Variants in THSD7B observed in about 807,000 individuals in gnomAD.
The protein encoded by THSD7B is thrombospondin type-1 domain-containing protein 7B.
THSD7B carries 138 observed loss-of-function variants against 213.6 expected under a neutral mutation model. That is an observed-to-expected ratio of 0.65 (90% CI 0.56 to 0.74). THSD7B has a LOEUF of 0.74. Among genes scored for constraint, THSD7B ranks in the 30% least tolerant of loss-of-function variants. The probability of loss-of-function intolerance (pLI) is 0.00; values close to 1 mark genes in which losing one functional copy is unlikely to be tolerated. For missense variants in THSD7B, 1,931 were observed against 1,991.5 expected, an observed-to-expected ratio of 0.97 and a Z score of 0.58; for synonymous variants, 742 against 687.0, an observed-to-expected ratio of 1.08 and a Z score of -1.25.
intron 15 of THSD7B, among the ~76,000 whole-genome samples, chr2:137,509,340 TTC>T (rs977389401): frequency 2.0e-5 from 3 of 151,472 alleles, no homozygotes; most frequent in Non-Finnish European, 4.4e-5. Context: ...TTCTTTCTTT[TTC>T]TCTTTCTTTC....
chr2:137,452,585 G>A (rs921005839), intron 15 of THSD7B, among the ~76,000 whole-genome samples: 8 of 152,018 alleles, frequency 5.3e-5, no homozygotes, highest in East Asian at 1.9e-4. Context: ...CCTCAAAACC[G>A]TCAATGAAAG....
chr2:136,891,463 T>C (rs1683858123), intron 2 of THSD7B, among the ~76,000 whole-genome samples: 1 of 152,078 alleles, frequency 6.6e-6, no homozygotes, highest in South Asian at 2.1e-4. Flanking sequence ...TACCCAGAGT[T>C]TTTTCTCTGG....
chr2:137,153,196 A>G (rs1163737884), intron 5 of THSD7B, among the ~76,000 whole-genome samples: 2 of 152,116 alleles, frequency 1.3e-5, no homozygotes, highest in African/African-American at 2.4e-5. Context: ...CTAAAATTAT[A>G]TATGTGCTTC....
chr2:137,040,203 A>G (rs556206549), intron 2 of THSD7B, among the ~76,000 whole-genome samples: 2 of 152,148 alleles, frequency 1.3e-5, no homozygotes, highest in Non-Finnish European at 2.9e-5. Context: ...GAGAGCTACA[A>G]GGGCTGGACA....
chr2:137,003,942 T>C (rs1277886913), intron 2 of THSD7B, among the ~76,000 whole-genome samples: 1 of 152,174 alleles, frequency 6.6e-6, no homozygotes. Flanking sequence ...TTTTTGGTGC[T>C]AAAAATGTTA....
At chr2:137,670,529 G>A (rs998443106) in intron 27 of THSD7B, among the ~76,000 whole-genome samples, 5 of 152,084 alleles carry the variant, frequency 3.3e-5, no homozygotes, top group African/African-American at 1.2e-4. Flanking sequence ...ATTTCGATAA[G>A]AGAGTAAATT....
At chr2:137,377,802 T>C in intron 12 of THSD7B, among the ~76,000 whole-genome samples, 1 of 152,102 alleles carries the variant, frequency 6.6e-6, no homozygotes. Context: ...AATTTTTGTG[T>C]CTTTAGTAGA....
At chr2:137,383,014 C>G (rs984775101) in intron 12 of THSD7B, among the ~76,000 whole-genome samples, 2 of 152,152 alleles carry the variant, frequency 1.3e-5, no homozygotes, top group Non-Finnish European at 2.9e-5. Context: ...AGATGGTGAT[C>G]ACCAAGGAAG....
At chr2:137,001,768 C>T (rs1240635402) in intron 2 of THSD7B, among the ~76,000 whole-genome samples, 1 of 152,092 alleles carries the variant, frequency 6.6e-6, no homozygotes, top group Non-Finnish European at 1.5e-5. Context: ...TTCGAAACCA[C>T]CTACTCATTC....
chr2:137,125,049 C>G (rs933318956), intron 5 of THSD7B, among the ~76,000 whole-genome samples: 1 of 152,162 alleles, frequency 6.6e-6, no homozygotes, highest in African/African-American at 2.4e-5. Context: ...TTTTGAAACT[C>G]AGTTCTGGAC....
chr2:137,502,786 G>A (rs970919793), intron 15 of THSD7B, among the ~76,000 whole-genome samples: 5 of 151,966 alleles, frequency 3.3e-5, no homozygotes, highest in East Asian at 1.9e-4. Context: ...TCTCAGCCCC[G>A]CACAACAATA....
intron 2 of THSD7B, among the ~76,000 whole-genome samples, chr2:136,940,051 G>C (rs1573722367): frequency 6.6e-6 from 1 of 152,084 alleles, no homozygotes. Flanking sequence ...CCCCAAATAA[G>C]TTTGGTTTTT....
At chr2:136,864,060 G>T (rs1012512422) in intron 1 of THSD7B, among the ~76,000 whole-genome samples, 3 of 152,140 alleles carry the variant, frequency 2.0e-5, no homozygotes, top group African/African-American at 7.2e-5. Context: ...GCTACATAGG[G>T]AAACAACACT....
chr2:137,663,578 G>A lies in THSD7B; in HGVS notation c.4651+3G>A. ...GTCTCTTCAACCACTTGATCCAGGT[G>A]AGTTTCAGTTGTGAGTAAGAAATGA... On this transcript the variant is annotated splice_donor_region_variant and intron_variant, in intron 26 of 27. Transcript: ENST00000409968. 1 of 1,600,122 alleles carries A rather than the reference G, an allele frequency of 6.2e-7. No homozygotes were observed. Among genetic ancestry groups the A allele is most frequent in the Non-Finnish European group, 8.5e-7 (1 of 1,173,138 alleles).
At chr2:137,531,957 T>G (rs550703862) in intron 15 of THSD7B, among the ~76,000 whole-genome samples, 1 of 152,006 alleles carries the variant, frequency 6.6e-6, no homozygotes, top group African/African-American at 2.4e-5. Flanking sequence ...CATAGCCAAA[T>G]AGAGATAATT....
chr2:137,546,365 T>TGCTG (rs1680710009), intron 15 of THSD7B, among the ~76,000 whole-genome samples: 1 of 43,528 alleles, frequency 2.3e-5, no homozygotes, highest in African/African-American at 1.0e-4. Flanking sequence ...ATATATATTA[T>TGCTG]ATATATATAT....
intron 3 of THSD7B, among the ~76,000 whole-genome samples, chr2:137,068,268 T>A (rs1319692037): frequency 6.6e-6 from 1 of 152,098 alleles, no homozygotes; most frequent in Non-Finnish European, 1.5e-5. Context: ...CTCTTCTGAG[T>A]TCTAGACAGC....
At chr2:136,916,616 G>A (rs1300058868) in intron 2 of THSD7B, among the ~76,000 whole-genome samples, 1 of 152,210 alleles carries the variant, frequency 6.6e-6, no homozygotes, top group Non-Finnish European at 1.5e-5. Context: ...TAGTCCAAGT[G>A]CATGATATAG....
chr2:137,285,182 A>G (rs371364636), intron 12 of THSD7B, among the ~76,000 whole-genome samples: 6 of 151,782 alleles, frequency 4.0e-5, no homozygotes, highest in South Asian at 2.1e-4. Flanking sequence ...TTTGATCTTT[A>G]TTGGTTTAAA....
Sources: gnomAD v4.1 joint callset for allele counts (sites outside exome capture counted in the v4.1 genomes callset) on GRCh38, gnomAD v4.1.1 for gene constraint, MANE v1.5 for transcripts, NCBI Gene and HGNC (gene_info 2026-07-23, HGNC 2026-07-21) for gene names.